CDH12: variants seen among roughly 807,000 people sequenced by gnomAD.
The protein encoded by CDH12 is cadherin-12.
A neutral mutation model predicts 74.1 loss-of-function variants in CDH12; 41 were observed. The ratio of observed to expected loss-of-function variants is 0.55; its 90% CI spans 0.43 to 0.72. The LOEUF is 0.72. CDH12 is among the 30% of genes least tolerant of loss of function. CDH12 has a pLI of 0.00. For synonymous variants in CDH12, 399 were observed against 355.0 expected, an observed-to-expected ratio of 1.12 and a Z score of -1.39; for missense variants, 945 against 977.2, an observed-to-expected ratio of 0.97 and a Z score of 0.44.
intron 10 of CDH12, among the ~76,000 whole-genome samples, chr5:21,788,194 T>C (rs573088357): frequency 6.6e-6 from 1 of 152,300 alleles, no homozygotes; most frequent in African/African-American, 2.4e-5. Flanking sequence ...GAGAAGGCTT[T>C]GCAGGAGTGC....
intron 1 of CDH12, among the ~76,000 whole-genome samples, chr5:22,656,244 C>T (rs1413543217): frequency 2.0e-5 from 3 of 152,028 alleles, no homozygotes. Flanking sequence ...TTATTTTGTG[C>T]TAAGATTCTG....
chr5:22,285,690 C>G (rs1036646792), intron 3 of CDH12, among the ~76,000 whole-genome samples: 3 of 152,048 alleles, frequency 2.0e-5, no homozygotes, highest in African/African-American at 7.2e-5. Flanking sequence ...AAATTTTAGT[C>G]TTCATATCTA....
At chr5:22,047,543 T>C (rs1740043533) in intron 5 of CDH12, among the ~76,000 whole-genome samples, 3 of 150,224 alleles carry the variant, frequency 2.0e-5, no homozygotes, top group Admixed American at 6.6e-5. Flanking sequence ...CCCACATCCA[T>C]TGCCTAAGCT....
At chr5:21,888,824 A>G (rs1255812052) in intron 6 of CDH12, among the ~76,000 whole-genome samples, 1 of 152,018 alleles carries the variant, frequency 6.6e-6, no homozygotes, top group East Asian at 1.9e-4. Flanking sequence ...CTTTTAATAC[A>G]TACCTATTTT....
At chr5:22,434,976 T>C (rs941633659) in intron 2 of CDH12, among the ~76,000 whole-genome samples, 2 of 152,176 alleles carry the variant, frequency 1.3e-5, no homozygotes, top group African/African-American at 4.8e-5. Flanking sequence ...TGTTCATTCC[T>C]GGGTGTAGGC....
chr5:22,024,215 T>C (rs147087157), intron 5 of CDH12, among the ~76,000 whole-genome samples: 1 of 152,316 alleles, frequency 6.6e-6, no homozygotes, highest in African/African-American at 2.4e-5. Context: ...ATATTTATCT[T>C]GTATAATACA....
At chr5:22,776,738 A>G (rs552879848) in intron 1 of CDH12, among the ~76,000 whole-genome samples, 1 of 152,186 alleles carries the variant, frequency 6.6e-6, no homozygotes, top group Non-Finnish European at 1.5e-5. Context: ...TTTGGTATGT[A>G]TCTTACTGTT....
chr5:22,351,312 C>T (rs1375283346), intron 3 of CDH12, among the ~76,000 whole-genome samples: 1 of 152,138 alleles, frequency 6.6e-6, no homozygotes, highest in Non-Finnish European at 1.5e-5. Flanking sequence ...GCATTGAAGT[C>T]ATGCTTTGGG....
chr5:21,821,649 A>G (rs1007338424), intron 8 of CDH12, among the ~76,000 whole-genome samples: 2 of 151,960 alleles, frequency 1.3e-5, no homozygotes, highest in Non-Finnish European at 2.9e-5. Context: ...GGGCTTAAGA[A>G]CAAATTATTT....
At chr5:21,988,741 A>T (rs1287328911) in intron 5 of CDH12, among the ~76,000 whole-genome samples, 1 of 152,134 alleles carries the variant, frequency 6.6e-6, no homozygotes, top group East Asian at 1.9e-4. Flanking sequence ...GAGGACCTTT[A>T]AGAAGAGGGA....
chr5:22,483,153 T>C (rs1312539099), intron 2 of CDH12, among the ~76,000 whole-genome samples: 1 of 152,056 alleles, frequency 6.6e-6, no homozygotes, highest in Non-Finnish European at 1.5e-5. Flanking sequence ...TAATGAAAAG[T>C]TTCTGGAAAA....
At chr5:22,135,209 CAA>C (rs5866550) in intron 4 of CDH12, among the ~76,000 whole-genome samples, 9 of 119,394 alleles carry the variant, frequency 7.5e-5, no homozygotes, top group Non-Finnish European at 1.2e-4. Context: ...AACACATAAG[CAA>C]AAAAAAAAAA....
chr5:22,719,961 A>G (rs1743789606), intron 1 of CDH12, among the ~76,000 whole-genome samples: 1 of 152,062 alleles, frequency 6.6e-6, no homozygotes, highest in Admixed American at 6.6e-5. Flanking sequence ...CCTTGAAGAC[A>G]CTTGGGGCCA....
intron 3 of CDH12, among the ~76,000 whole-genome samples, chr5:22,398,652 G>A (rs1232514252): frequency 6.6e-6 from 1 of 152,152 alleles, no homozygotes; most frequent in African/African-American, 2.4e-5. Context: ...AAGGGTGGTA[G>A]ATATGAAGTC....
chr5:22,829,051 C>T (rs900428283), intron 1 of CDH12, among the ~76,000 whole-genome samples: 2 of 152,044 alleles, frequency 1.3e-5, no homozygotes, highest in African/African-American at 4.8e-5. Context: ...GAGTTTGATT[C>T]TCATTATTGA....
chr5:21,784,533 C>T (rs1746094395), intron 10 of CDH12, among the ~76,000 whole-genome samples: 1 of 152,096 alleles, frequency 6.6e-6, no homozygotes, highest in Non-Finnish European at 1.5e-5. Context: ...ATTATTATTA[C>T]ACAGTCTTAC....
In CDH12 at chr5:22,823,241, G is replaced by T. The variant is rs1350564979; in HGVS notation, c.-523+29817C>A. 1.0e-4 allele frequency among the ~76,000 whole-genome samples: 15 copies of T among 146,642 alleles called. No homozygotes were observed. In the East Asian group the frequency reaches 2.9e-3, roughly 29 times the overall value. ...CACTCCGGGGACTGTTGTGAGGTGG[G>T]GGGAGGGGGGAGGGATAGCATTAGG... On this transcript the variant is annotated intron_variant, in intron 1 of 14. Transcript: ENST00000382254.
At chr5:22,600,313 C>T (rs985300743) in intron 1 of CDH12, among the ~76,000 whole-genome samples, 1 of 152,118 alleles carries the variant, frequency 6.6e-6, no homozygotes, top group African/African-American at 2.4e-5. Context: ...TGTCCAGTTC[C>T]TTCCATTTGA....
At chr5:22,225,660 G>A (rs1752169726) in intron 3 of CDH12, among the ~76,000 whole-genome samples, 1 of 151,946 alleles carries the variant, frequency 6.6e-6, no homozygotes. Context: ...GGCATGCTTT[G>A]GTTATGATAT....
Sources: gnomAD v4.1 joint callset for allele counts (sites outside exome capture counted in the v4.1 genomes callset) on GRCh38, gnomAD v4.1.1 for gene constraint, MANE v1.5 for transcripts, NCBI Gene and HGNC (gene_info 2026-07-23, HGNC 2026-07-21) for gene names.